Variants in DPYSL5 observed in about 807,000 individuals in gnomAD.
DPYSL5 encodes dihydropyrimidinase-related protein 5.
In DPYSL5, 9 loss-of-function variants were observed where a neutral mutation model predicts 58.4. That is an observed-to-expected ratio of 0.15 (90% CI 0.09 to 0.27). DPYSL5 has a LOEUF of 0.27. Among genes scored for constraint, DPYSL5 ranks in the 10% least tolerant of loss-of-function variants. The pLI, the probability that DPYSL5 is intolerant of heterozygous loss-of-function variation, is 1.00. For synonymous variants in DPYSL5, 293 were observed against 301.9 expected, an observed-to-expected ratio of 0.97 and a Z score of 0.31; for missense variants, 499 against 770.6, an observed-to-expected ratio of 0.65 and a Z score of 4.17.
intron 1 of DPYSL5, among the ~76,000 whole-genome samples, chr2:26,883,947 G>T (rs537614573): frequency 6.6e-6 from 1 of 152,138 alleles, no homozygotes; most frequent in Non-Finnish European, 1.5e-5. Context: ...CAGCTGAGAA[G>T]AGCCCCCGCC....
Position 26,934,556 on chromosome 2 carries a change from G to C in DPYSL5, c.791-22G>C. The C allele has an allele frequency of 6.2e-7, 1 of 1,609,596 alleles. No homozygotes were observed. ...CAGGTTCGGTGGCTTCCTGGTTATG[G>C]TTCTGACCTTTCTTCTTCCAGGGAA... On this transcript the variant is annotated intron_variant, in intron 7 of 12. Transcript: ENST00000288699. The surrounding 1 kb of genome is among the most constrained non-coding windows in gnomAD (Gnocchi z 4.3).
rs34292215 is a variant in DPYSL5, at chr2:26,927,127, T to TG, written c.421-120dup. Reference sequence around the variant, plus strand: ...GGGAGGAAAGTGAGATAGAGAGGTGTGGGGGGTCAACCGACAGACTGAGCT... The same window carrying TG: ...GGGAGGAAAGTGAGATAGAGAGGTGTGGGGGGGTCAACCGACAGACTGAGCT... On this transcript the variant is annotated intron_variant, in intron 3 of 12. Coordinates refer to ENST00000288699, the MANE Select transcript of DPYSL5 (RefSeq NM_020134.4). This position sits in a 1 kb window ranked among gnomAD's most constrained non-coding sequence, Gnocchi z 4.3. 7 of 943,222 alleles carry TG rather than the reference T, an allele frequency of 7.4e-6. No individual in the cohort carries two copies. The highest frequency in any genetic ancestry group is 1.7e-5 in the African/African-American group (1 of 60,230). 58.4% of individuals were successfully genotyped at this position (943,222 alleles called of 1,614,324 possible).
In DPYSL5 at chr2:26,898,564, G is replaced by T; in HGVS notation, c.65G>T (p.Cys22Phe). 1.2e-6 allele frequency: 2 copies of T among 1,614,184 alleles called. No homozygotes were observed. Among genetic ancestry groups the T allele is most frequent in the Non-Finnish European group, 1.7e-6 (2 of 1,180,032 alleles). ...IKGGKVVNDD[C>F]THEADVYIEN... is the part of the protein sequence containing the mutation. ...GGAGGCAAGGTGGTGAACGATGACT[G>T]CACCCACGAGGCTGACGTCTACATC... The change falls in exon 2 of 13, where the codon TGC (cysteine) becomes TTC (phenylalanine). Residue 22 changes from cysteine (C) to phenylalanine (F), a missense_variant. Cys to Phe is a radical substitution (Grantham distance 205). Around this residue, in one of 3 missense-constraint regions of DPYSL5, gnomAD observed 404 missense variants for 647.6 expected, o/e 0.62. Transcript: ENST00000288699. The surrounding 1 kb of genome is among the most constrained non-coding windows in gnomAD (Gnocchi z 6.1).
At chr2:26,899,624 C>A (rs1028544556) in intron 2 of DPYSL5, among the ~76,000 whole-genome samples, 2 of 152,144 alleles carry the variant, frequency 1.3e-5, no homozygotes, top group Non-Finnish European at 2.9e-5. Flanking sequence ...CCTGGCACAG[C>A]TTGATGGACC....
chr2:26,932,085 A>G (rs139766854), intron 6 of DPYSL5, among the ~76,000 whole-genome samples: 17,963 of 55,958 alleles, frequency 0.32, 3,636 homozygotes, highest in East Asian at 0.51. Context: ...AAGAAAGAAA[A>G]GAAAAAAGAA....
rs1318245565 is a variant in DPYSL5 at position 26,898,979 on chromosome 2, T to C, written c.261+219T>C. On this transcript the variant is annotated intron_variant, in intron 2 of 12. Transcript: ENST00000288699. The surrounding 1 kb of genome is among the most constrained non-coding windows in gnomAD (Gnocchi z 6.1). ...AAGGAGGCGTTTAGGCTGGTTTTGC[T>C]AATCAGATCATTTACCCAAGTACCC... Among the ~76,000 whole-genome samples the C allele has an allele frequency of 6.6e-6, 1 of 152,240 alleles. No homozygotes were observed. The highest frequency in any genetic ancestry group is 2.4e-5 in the African/African-American group (1 of 41,462).
chr2:26,885,809 C>G (rs1370014600), intron 1 of DPYSL5, among the ~76,000 whole-genome samples: 1 of 152,206 alleles, frequency 6.6e-6, no homozygotes, highest in Non-Finnish European at 1.5e-5. Flanking sequence ...TTCTGCTCTC[C>G]TCAGTTCCTT....
rs956686373 is a variant in DPYSL5, at chr2:26,877,273, A to T, written c.-4-21223A>T. 2.0e-5 allele frequency among the ~76,000 whole-genome samples: 3 copies of T among 152,086 alleles called. No homozygotes were observed. ...GAGCCACCGCGCCTGGCCCATAGCC[A>T]CTTTATTATAACAATATTTTTATTT... On this transcript the variant is annotated intron_variant, in intron 1 of 12. Coordinates refer to ENST00000288699, the MANE Select transcript of DPYSL5 (RefSeq NM_020134.4). This position sits in a 1 kb window ranked among gnomAD's most constrained non-coding sequence, Gnocchi z 4.1.
In DPYSL5 at chr2:26,942,455, C is replaced by T; in HGVS notation, c.1233-88C>T. The T allele has an allele frequency of 6.9e-7, 1 of 1,441,912 alleles. No individual in the cohort carries two copies. The highest frequency in any genetic ancestry group is 9.5e-7 in the Non-Finnish European group (1 of 1,056,850). 89.3% of individuals were successfully genotyped at this position (1,441,912 alleles called of 1,614,324 possible). On this transcript the variant is annotated intron_variant, in intron 10 of 12. Coordinates refer to ENST00000288699, the MANE Select transcript of DPYSL5 (RefSeq NM_020134.4). The surrounding 1 kb of genome is among the most constrained non-coding windows in gnomAD (Gnocchi z 5.9). ...AGGGAGCCAATTCAACCCATAACAA[C>T]CAGCCTTTGGGGCTCACCCCTCCCA...
chr2:26,929,752 C>T (rs1307584334), intron 5 of DPYSL5, among the ~76,000 whole-genome samples: 2 of 152,242 alleles, frequency 1.3e-5, no homozygotes, highest in Non-Finnish European at 2.9e-5. Flanking sequence ...TCATTCAAAG[C>T]TGTTTTCCGC....
chr2:26,903,306 G>A (rs999562615), intron 2 of DPYSL5, among the ~76,000 whole-genome samples: 5 of 152,190 alleles, frequency 3.3e-5, no homozygotes, highest in East Asian at 3.9e-4. Context: ...TCCTGACCTC[G>A]TGATCCACCC....
intron 2 of DPYSL5, among the ~76,000 whole-genome samples, chr2:26,900,087 G>C (rs1465470876): frequency 6.6e-6 from 1 of 152,162 alleles, no homozygotes; most frequent in Non-Finnish European, 1.5e-5. Flanking sequence ...CATATATACA[G>C]AGAAGTGCAG....
At chr2:26,931,199 GTGTGTATATATATATATATA>G (rs1466997892) in intron 5 of DPYSL5, among the ~76,000 whole-genome samples, 48 of 52,874 alleles carry the variant, frequency 9.1e-4, no homozygotes, top group African/African-American at 2.7e-3. Flanking sequence ...GTGTGTGTGT[GTGTGTATATATATATATATA>G]TATATATATA....
At chr2:26,900,778 G>C (rs1664138948) in intron 2 of DPYSL5, among the ~76,000 whole-genome samples, 1 of 152,050 alleles carries the variant, frequency 6.6e-6, no homozygotes, top group Admixed American at 6.6e-5. Flanking sequence ...GCATGCTCAG[G>C]GCTTGCACTA....
intron 1 of DPYSL5, among the ~76,000 whole-genome samples, chr2:26,856,699 AG>A (rs1462346252): frequency 1.4e-5 from 2 of 144,442 alleles, no homozygotes; most frequent in Non-Finnish European, 3.0e-5. Context: ...CCAAATGCTA[AG>A]ATTAATGGAG....
At chr2:26,869,946 G>A (rs1053722904) in intron 1 of DPYSL5, among the ~76,000 whole-genome samples, 3 of 152,218 alleles carry the variant, frequency 2.0e-5, no homozygotes, top group African/African-American at 7.2e-5. Flanking sequence ...GGGAGGCGGA[G>A]GTTGCAGTGA....
intron 5 of DPYSL5, among the ~76,000 whole-genome samples, chr2:26,928,546 A>G (rs1335852399): frequency 6.6e-6 from 1 of 150,668 alleles, no homozygotes; most frequent in Non-Finnish European, 1.5e-5. Context: ...AATACAAAAA[A>G]AATTAGCTGG....
chr2:26,940,219 C>T (rs776492292), intron 9 of DPYSL5, 47 bp downstream of exon 9: 1 of 1,601,462 alleles, frequency 6.2e-7, no homozygotes, highest in Non-Finnish European at 8.5e-7. Flanking sequence ...GCTCTAATCC[C>T]CGTTTCATCC....
At position 26,933,081 on chromosome 2, in the gene DPYSL5, C is replaced by T. The variant is rs1665076164; in HGVS notation, c.715-177C>T. On this transcript the variant is annotated intron_variant, in intron 6 of 12. Coordinates refer to ENST00000288699, the MANE Select transcript of DPYSL5 (RefSeq NM_020134.4). This position sits in a 1 kb window ranked among gnomAD's most constrained non-coding sequence, Gnocchi z 4.2. ...GCCTCCCCGTATCATGCAGTTCCTGCAACCTTGCCCTGACTGCCAGCCCTG... is the reference window on the plus strand; with the variant it reads ...GCCTCCCCGTATCATGCAGTTCCTGTAACCTTGCCCTGACTGCCAGCCCTG... Among the ~76,000 whole-genome samples the T allele has an allele frequency of 6.6e-6, 1 of 152,196 alleles. No homozygotes were observed. Among genetic ancestry groups the T allele is most frequent in the African/African-American group, 2.4e-5 (1 of 41,456 alleles).
Sources: allele counts gnomAD v4.1 joint callset (sites outside exome capture counted in the v4.1 genomes callset), GRCh38; gene constraint gnomAD v4.1.1; regional missense constraint gnomAD v4.1.1; non-coding constraint Gnocchi (gnomAD v3.1); transcripts MANE v1.5; gene names NCBI Gene and HGNC (gene_info 2026-07-23, HGNC 2026-07-21).